The following MYO15A variants were observed in gnomAD, a reference collection of about 807,000 sequenced individuals.
MYO15A encodes the protein unconventional myosin-XV.
In MYO15A, 308 loss-of-function variants were observed where a neutral mutation model predicts 394.6. That is an observed-to-expected ratio of 0.78 (90% CI 0.71 to 0.86). MYO15A has a LOEUF of 0.86. Among genes scored for constraint, MYO15A ranks in the 40% least tolerant of loss-of-function variants. MYO15A has a pLI of 0.00. For synonymous variants in MYO15A, 1,957 were observed against 2,003.8 expected (o/e 0.98, Z 0.62); for missense variants, 4,606 against 4,799.1 (o/e 0.96, Z 1.19).
intron 1 of MYO15A, among the ~76,000 whole-genome samples, chr17:18,111,300 A>G (rs1165402536): frequency 7.0e-6 from 1 of 143,700 alleles, no homozygotes; most frequent in Admixed American, 7.2e-5. Flanking sequence ...ATGTTACTGC[A>G]CTCCAGCCTG....
intron 33 of MYO15A, 62 bp downstream of exon 33, chr17:18,149,014 C>T: frequency 2.6e-6 from 4 of 1,538,680 alleles, no homozygotes; most frequent in Non-Finnish European, 1.8e-6. Flanking sequence ...CCGGCCACTC[C>T]CAGGCAGAAG....
chr17:18,121,681 G>C lies in MYO15A; in HGVS notation c.2881G>C (p.Glu961Gln). 2 of 1,607,790 alleles carry C rather than the reference G, an allele frequency of 1.2e-6. No homozygotes were observed. The highest frequency in any genetic ancestry group is 1.1e-5 in the South Asian group (1 of 90,530). ...RGFSRPPPVP[E>Q]NPFLQLLGPV... ...CTTTTCCAGGCCACCCCCTGTGCCG[G>C]AAAACCCCTTTCTCCAGCTCCTGGG... Residue 961 changes from glutamate (E) to glutamine (Q), a missense_variant, in exon 2 of 66, where the codon GAA becomes CAA. Physicochemically the swap from Glu to Gln is conservative, Grantham distance 29. Transcript: ENST00000647165. This position sits in a 1 kb window ranked among gnomAD's most constrained non-coding sequence, Gnocchi z 5.3.
rs375913096 is a variant in MYO15A at position 18,132,663 on chromosome 17, G to A, written c.4320+97G>A. On this transcript the variant is annotated intron_variant, in intron 11 of 65. Transcript: ENST00000647165. This position sits in a 1 kb window ranked among gnomAD's most constrained non-coding sequence, Gnocchi z 4.6. ...GGAGCCGAGTTGTGAGTGATGGAGT[G>A]TGAAGGTGAAGGAGATTTGGGGAGG... is the stretch of plus-strand genomic sequence containing the variant. The A allele has an allele frequency of 3.2e-6, 3 of 941,938 alleles. No individual in the cohort carries two copies. The highest frequency in any genetic ancestry group is 5.1e-6 in the Non-Finnish European group (3 of 593,342). The allele number at this position is 941,938 out of a possible 1,614,324, so 58.3% of individuals were successfully genotyped here.
At chr17:18,140,714 A>T (rs2142335337) in intron 20 of MYO15A, 49 bp downstream of exon 20, 1 of 1,613,924 alleles carries the variant, frequency 6.2e-7, no homozygotes, top group East Asian at 2.2e-5. Flanking sequence ...TCCTTAACCC[A>T]CCTCATGACC....
Position 18,155,206 on chromosome 17 carries a change from C to CT in MYO15A, c.8321_8322insT (p.Arg2775ProfsTer68). ...CGAGACACCTGGGAGGTCTACTTCT[C>CT]CCGCATCTTCCCCGCCACGGTGCGA... is the stretch of plus-strand genomic sequence containing the variant. On this transcript the variant is annotated frameshift_variant, in exon 46 of 66. Coordinates refer to ENST00000647165, the MANE Select transcript of MYO15A (RefSeq NM_016239.4). LOFTEE classifies it high-confidence loss of function. The CT allele has an allele frequency of 5.0e-6, 8 of 1,613,930 alleles. No individual in the cohort carries two copies. The highest frequency in any genetic ancestry group is 6.8e-6 in the Non-Finnish European group (8 of 1,180,014).
At chr17:18,141,855 G>C in intron 23 of MYO15A, 85 bp downstream of exon 23, 1 of 1,449,862 alleles carries the variant, frequency 6.9e-7, no homozygotes, top group Admixed American at 1.7e-5. Context: ...CCAAGCTAGA[G>C]ACTGCCATCC....
chr17:18,156,221 T>A lies in MYO15A; in HGVS notation c.8486T>A (p.Met2829Lys). The change falls in exon 48 of 66, where the codon ATG becomes AAG. Residue 2829 changes from methionine to lysine, a missense_variant. This residue lies in a region of MYO15A where 2,776 missense variants were observed against 3,109.3 expected (regional missense o/e 0.89). Coordinates refer to ENST00000647165, the MANE Select transcript of MYO15A (RefSeq NM_016239.4). ...TTTGCAGATATCCTGTTTGTGACCA[T>A]GCCCTCCCAGAACATGCTGGAGTTC... ...YSFADILFVT[M>K]PSQNMLEFNL... 6.2e-7 allele frequency: 1 copy of A among 1,614,180 alleles called. No homozygotes were observed.
At chr17:18,166,146 G>A (rs1321713266) in intron 60 of MYO15A, among the ~76,000 whole-genome samples, 1 of 152,234 alleles carries the variant, frequency 6.6e-6, no homozygotes, top group East Asian at 1.9e-4. Context: ...ATTACCATCT[G>A]TGGTCATCAA....
At chr17:18,155,277 C>A (rs1555546713) in intron 46 of MYO15A, 37 bp from the exon 47 acceptor site, 3 of 1,613,566 alleles carry the variant, frequency 1.9e-6, no homozygotes, top group African/African-American at 2.7e-5. Context: ...AGGGATGAGA[C>A]AAGAGGATCC....
rs2142391457 is a variant in MYO15A at position 18,158,651 on chromosome 17, C to T, written c.9083+13C>T. 6.2e-7 allele frequency: 1 copy of T among 1,612,354 alleles called. No homozygotes were observed. Among genetic ancestry groups the T allele is most frequent in the Middle Eastern group, 1.6e-4 (1 of 6,062 alleles). ...AGAGGAGACCCCAGTGAGTGGCGGC[C>T]CCACCCCTCTTCCCACAGTGGGAGG... On this transcript the variant is annotated intron_variant, in intron 52 of 65. Coordinates refer to ENST00000647165, the MANE Select transcript of MYO15A (RefSeq NM_016239.4).
rs764735184 is a variant in MYO15A at position 18,161,225 on chromosome 17, A to T, written c.9387-92A>T. 10 of 1,521,450 alleles carry T rather than the reference A, an allele frequency of 6.6e-6. No individual in the cohort carries two copies. In the African/African-American group the frequency reaches 1.4e-4, roughly 21 times the overall value. 94.2% of individuals were successfully genotyped at this position (1,521,450 alleles called of 1,614,324 possible). A position where few individuals can be genotyped will look rare whatever the true frequency, so the allele number is the denominator to read the frequency against. ...CCTCAGGGGACAGGAGCTGCCTGAG[A>T]GTTGGAATCTGTCTCAGCTCAATCC... On this transcript the variant is annotated intron_variant, in intron 56 of 65. Coordinates refer to ENST00000647165, the MANE Select transcript of MYO15A (RefSeq NM_016239.4).
At chr17:18,151,360 C>T (rs748129685) in intron 39 of MYO15A, 35 bp from the exon 40 acceptor site, 2 of 1,614,206 alleles carry the variant, frequency 1.2e-6, no homozygotes, top group Admixed American at 3.3e-5. Flanking sequence ...CCCCTTGTGG[C>T]CTCACCCTGT....
chr17:18,130,417 G>GT (rs2046133654), intron 7 of MYO15A, among the ~76,000 whole-genome samples: 1 of 151,844 alleles, frequency 6.6e-6, no homozygotes, highest in South Asian at 2.1e-4. Flanking sequence ...AGGGGTTGGG[G>GT]GGTGGGGCAT....
In MYO15A at chr17:18,132,211, C is replaced by T. The variant is rs2142303091; in HGVS notation, c.4207-242C>T. Among the ~76,000 whole-genome samples, 1 of 152,300 alleles carries T rather than the reference C, an allele frequency of 6.6e-6. No homozygotes were observed. Among genetic ancestry groups the T allele is most frequent in the East Asian group, 1.9e-4 (1 of 5,182 alleles). On this transcript the variant is annotated intron_variant, in intron 10 of 65. Coordinates refer to ENST00000647165, the MANE Select transcript of MYO15A (RefSeq NM_016239.4). This position sits in a 1 kb window ranked among gnomAD's most constrained non-coding sequence, Gnocchi z 4.6. ...GACGGGTCCCTTTTCTCTTATTTCT[C>T]CTAACCAAATAAAATCCCACCAGAA...
Position 18,149,328 on chromosome 17 carries a change from G to T in MYO15A, c.7069G>T (p.Gly2357Cys). 1 of 1,611,672 alleles carries T rather than the reference G, an allele frequency of 6.2e-7. No individual in the cohort carries two copies. Among genetic ancestry groups the T allele is most frequent in the East Asian group, 2.2e-5 (1 of 44,808 alleles). ...SDGYSSHNQDGTNGETEAQRG... is the reference protein window; with the variant it reads ...SDGYSSHNQDCTNGETEAQRG... ...TGGGTACAGCAGCCACAATCAGGAC[G>T]GTACAAATGGGGAGACTGAGGCCCA... The change falls in exon 34 of 66, where the codon GGT becomes TGT. Residue 2357 changes from glycine (G) to cysteine (C), a missense_variant. Transcript: ENST00000647165.
chr17:18,149,600 G>A lies in MYO15A; in HGVS notation c.7212+20G>A, dbSNP rs1166399995. The A allele has an allele frequency of 6.2e-7, 1 of 1,611,770 alleles. No homozygotes were observed. The highest frequency in any genetic ancestry group is 8.5e-7 in the Non-Finnish European group (1 of 1,178,042). On this transcript the variant is annotated intron_variant, in intron 35 of 65. Transcript: ENST00000647165. ...GATGCGGTAGGGATGGTGTGGGGTG[G>A]GTCATTTGCAGACAGCAGGCACAGC...
At chr17:18,128,045 G>A (rs1449656300) in intron 7 of MYO15A, among the ~76,000 whole-genome samples, 1 of 151,820 alleles carries the variant, frequency 6.6e-6, no homozygotes, top group Non-Finnish European at 1.5e-5. Context: ...AAGAGGCAGA[G>A]GGAGGAGCGC....
Position 18,148,596 on chromosome 17 carries a change from C to T in MYO15A, c.6764+28C>T. 1 of 1,550,846 alleles carries T rather than the reference C, an allele frequency of 6.4e-7. No individual in the cohort carries two copies. The highest frequency in any genetic ancestry group is 8.7e-7 in the Non-Finnish European group (1 of 1,146,586). On this transcript the variant is annotated intron_variant, in intron 32 of 65. Transcript: ENST00000647165. The surrounding 1 kb of genome is among the most constrained non-coding windows in gnomAD (Gnocchi z 4.8). Reference sequence around the variant, plus strand: ...TGGCTCCTAGGATGCCCTCCCAGCACACTCTTATGTACCTGGAATGTTGTG... The same window carrying T: ...TGGCTCCTAGGATGCCCTCCCAGCATACTCTTATGTACCTGGAATGTTGTG...
Position 18,172,116 on chromosome 17 carries a change from C to A in MYO15A, c.10217-41C>A, listed in dbSNP as rs776511549. The A allele has an allele frequency of 6.2e-6, 10 of 1,613,298 alleles. No individual in the cohort carries two copies. The East Asian group carries it at 2.2e-4, about 36-fold the overall frequency. On this transcript the variant is annotated intron_variant, in intron 63 of 65. Transcript: ENST00000647165. Reference sequence around the variant, plus strand: ...CAGGGCCATGGCTGTTGTCAGTGAGCCCTGCCCAGCACGTAACTGCCACCC... The same window carrying A: ...CAGGGCCATGGCTGTTGTCAGTGAGACCTGCCCAGCACGTAACTGCCACCC...
Sources: gnomAD v4.1 joint callset for allele counts (sites outside exome capture counted in the v4.1 genomes callset) on GRCh38, gnomAD v4.1.1 for gene constraint, gnomAD v4.1.1 regional missense constraint, Gnocchi (gnomAD v3.1) non-coding constraint, MANE v1.5 for transcripts, NCBI Gene and HGNC (gene_info 2026-07-23, HGNC 2026-07-21) for gene names.